The following CEP83 variants were observed in gnomAD, a reference collection of about 807,000 sequenced individuals.
CEP83 encodes the protein centrosomal protein of 83 kDa.
In CEP83, 70 loss-of-function variants were observed where a neutral mutation model predicts 101.9. The observed-to-expected ratio is 0.69, with a 90% CI of 0.57 to 0.84. The LOEUF is 0.84. CEP83 is among the 40% of genes least tolerant of loss of function. CEP83 has a pLI of 0.00. For missense variants in CEP83, 715 were observed against 787.2 expected (o/e 0.91, Z 1.10); for synonymous variants, 264 against 267.9 (o/e 0.99, Z 0.14).
At chr12:94,387,355 C>T (rs1444044905) in intron 6 of CEP83, among the ~76,000 whole-genome samples, 6 of 152,116 alleles carry the variant, frequency 3.9e-5, no homozygotes, top group Non-Finnish European at 7.4e-5. Flanking sequence ...AACCCTATTG[C>T]GAACTGCACA....
chr12:94,424,181 G>A (rs3751186), intron 2 of CEP83: 455,543 of 1,604,558 alleles, frequency 0.28, 66,104 homozygotes, highest in South Asian at 0.32. Context: ...ATAAGGGGCT[G>A]GGTAAAACCC....
At position 94,411,667 on chromosome 12, in the gene CEP83, C is replaced by G. The variant is rs779985881; in HGVS notation, c.324+30G>C. Reference sequence around the variant, plus strand: ...CACTACGTATCTGACTGCTTTTATACTAACTCAAAACTCAAATATATTTTC... The same window carrying G: ...CACTACGTATCTGACTGCTTTTATAGTAACTCAAAACTCAAATATATTTTC... On this transcript the variant is annotated intron_variant, in intron 4 of 16. Coordinates refer to ENST00000397809, the MANE Select transcript of CEP83 (RefSeq NM_016122.3). 6 of 1,556,448 alleles carry G rather than the reference C, an allele frequency of 3.9e-6. No individual in the cohort carries two copies. In the Admixed American group the frequency reaches 7.6e-5, roughly 20 times the overall value.
In CEP83 at chr12:94,399,302, A is replaced by G. The variant is rs545688380; in HGVS notation, c.549+1548T>C. On this transcript the variant is annotated intron_variant, in intron 6 of 16. Coordinates refer to ENST00000397809, the MANE Select transcript of CEP83 (RefSeq NM_016122.3). Reference sequence around the variant, plus strand: ...TAAAATTCCTCTCTTTGTACTCTTTATTTCTCAGCCGGCCAACACTTACAG... The same window carrying G: ...TAAAATTCCTCTCTTTGTACTCTTTGTTTCTCAGCCGGCCAACACTTACAG... Among the ~76,000 whole-genome samples, 6 of 152,220 alleles carry G rather than the reference A, an allele frequency of 3.9e-5. No individual in the cohort carries two copies. The South Asian group carries it at 1.2e-3, about 32-fold the overall frequency.
At chr12:94,337,888 G>A (rs777016445) in intron 11 of CEP83, among the ~76,000 whole-genome samples, 2 of 152,060 alleles carry the variant, frequency 1.3e-5, no homozygotes, top group African/African-American at 2.4e-5. Flanking sequence ...TGAAGGTACC[G>A]GAATTATAAG....
the CEP83 span, among the ~76,000 whole-genome samples, chr12:94,274,849 G>A: frequency 6.6e-6 from 1 of 152,070 alleles, no homozygotes; most frequent in African/African-American, 2.4e-5. Flanking sequence ...TGCCACAAGG[G>A]GATGAGTAAA....
chr12:94,290,448 A>G, the CEP83 span, among the ~76,000 whole-genome samples: 3 of 152,266 alleles, frequency 2.0e-5, no homozygotes, highest in Non-Finnish European at 2.9e-5. Flanking sequence ...GCTCAGTAAG[A>G]GTTAAGAATC....
intron 4 of CEP83, among the ~76,000 whole-genome samples, chr12:94,411,015 AT>A (rs2063844681): frequency 3.3e-5 from 5 of 152,156 alleles, no homozygotes; most frequent in Admixed American, 3.3e-4. Context: ...ATTTGTACCA[AT>A]CAGATTGTTA....
Position 94,335,572 on chromosome 12 carries a change from C to A in CEP83, c.1419+17G>T, listed in dbSNP as rs937678583. 20 of 1,486,388 alleles carry A rather than the reference C, an allele frequency of 1.3e-5. No homozygotes were observed. The highest frequency in any genetic ancestry group is 2.3e-5 in the East Asian group (1 of 42,606). 92.1% of individuals were successfully genotyped at this position (1,486,388 alleles called of 1,614,324 possible). ...GCACTTGAAAAAATAAAAGGAAAAT[C>A]TTCGCTAAAATCATACCTGTTTTAG... On this transcript the variant is annotated intron_variant, in intron 12 of 16. Transcript: ENST00000397809.
chr12:94,301,276 G>A, the CEP83 span, among the ~76,000 whole-genome samples: 2 of 152,214 alleles, frequency 1.3e-5, no homozygotes, highest in Non-Finnish European at 1.5e-5. Context: ...CCACCCAACT[G>A]CAGAATTCTG....
intron 8 of CEP83, among the ~76,000 whole-genome samples, 197 bp from the exon 9 acceptor site, chr12:94,370,233 C>T (rs1396588083): frequency 6.6e-6 from 1 of 152,190 alleles, no homozygotes; most frequent in Non-Finnish European, 1.5e-5. Flanking sequence ...TCTTTCCTAA[C>T]AGAACAGAGG....
intron 11 of CEP83, among the ~76,000 whole-genome samples, chr12:94,358,083 G>A (rs567935173): frequency 5.3e-5 from 8 of 152,314 alleles, no homozygotes; most frequent in African/African-American, 9.6e-5. Context: ...GGCCATCCAC[G>A]TGGCCAATTC....
intron 11 of CEP83, among the ~76,000 whole-genome samples, chr12:94,355,648 C>A (rs936411668): frequency 9.9e-5 from 15 of 152,222 alleles, no homozygotes; most frequent in Non-Finnish European, 2.1e-4. Context: ...TAAATAAAAT[C>A]TCTGCAGCAA....
chr12:94,406,772 T>TTA (rs2063563160), intron 4 of CEP83, among the ~76,000 whole-genome samples: 3 of 151,518 alleles, frequency 2.0e-5, no homozygotes, highest in Non-Finnish European at 4.4e-5. Context: ...ATAAAAAATT[T>TTA]AAAAATTAAC....
chr12:94,335,918 G>A, intron 11 of CEP83: 5 of 378,230 alleles, frequency 1.3e-5, no homozygotes, highest in South Asian at 4.1e-5. Flanking sequence ...GGGGTACTGG[G>A]GAACGCTACA....
chr12:94,335,069 GA>G (rs1178471599), intron 12 of CEP83, among the ~76,000 whole-genome samples: 1 of 151,984 alleles, frequency 6.6e-6, no homozygotes, highest in Non-Finnish European at 1.5e-5. Flanking sequence ...CAACAAAAAA[GA>G]AAATAGAATT....
chr12:94,361,701 A>G (rs1182882312), intron 11 of CEP83, among the ~76,000 whole-genome samples: 1 of 151,796 alleles, frequency 6.6e-6, no homozygotes, highest in Non-Finnish European at 1.5e-5. Context: ...ATACCTGCAA[A>G]CTAATTTTTT....
At chr12:94,283,102 G>C in the CEP83 span, among the ~76,000 whole-genome samples, 334 of 152,304 alleles carry the variant, frequency 2.2e-3, 2 homozygotes, top group African/African-American at 7.7e-3. Flanking sequence ...TGGGAGAGGA[G>C]CAAAGACCAG....
chr12:94,371,363 A>T (rs1266976239), intron 8 of CEP83, among the ~76,000 whole-genome samples: 3 of 152,152 alleles, frequency 2.0e-5, no homozygotes, highest in Admixed American at 6.5e-5. Context: ...ATGTGTATAG[A>T]CTGTGTCTGT....
intron 16 of CEP83, 88 bp downstream of exon 16, chr12:94,309,826 AAGTT>A: frequency 1.2e-6 from 1 of 810,376 alleles, no homozygotes; most frequent in Non-Finnish European, 1.8e-6. Context: ...GCACTGACCA[AAGTT>A]ATAATTTGAG....
Sources: gnomAD v4.1 joint callset for allele counts (sites outside exome capture counted in the v4.1 genomes callset) on GRCh38, gnomAD v4.1.1 for gene constraint, MANE v1.5 for transcripts, NCBI Gene and HGNC (gene_info 2026-07-23, HGNC 2026-07-21) for gene names.